Variants in STIM1 observed in about 807,000 individuals in gnomAD.
STIM1 encodes the protein stromal interaction molecule 1.
STIM1 carries 25 observed loss-of-function variants against 74.7 expected under a neutral mutation model. That is an observed-to-expected ratio of 0.33 (90% CI 0.24 to 0.47). The LOEUF is 0.47. Ranked by LOEUF, STIM1 falls within the 20% of genes least tolerant of loss-of-function variation. STIM1 has a pLI of 1.00. For synonymous variants in STIM1, 328 were observed against 348.8 expected (o/e 0.94, Z 0.66); for missense variants, 728 against 920.8 (o/e 0.79, Z 2.71).
At chr11:3,871,043 T>G (rs2091073197) in intron 1 of STIM1, among the ~76,000 whole-genome samples, 1 of 151,950 alleles carries the variant, frequency 6.6e-6, no homozygotes, top group Admixed American at 6.6e-5. Context: ...CAACTAATTT[T>G]TGTATTTTTA....
chr11:3,946,171 A>G (rs775358360), intron 1 of STIM1, among the ~76,000 whole-genome samples: 2 of 152,200 alleles, frequency 1.3e-5, no homozygotes, highest in Non-Finnish European at 1.5e-5. Context: ...GAATAATAGT[A>G]TACATTTGAA....
At chr11:4,085,292 A>C (rs557837732) in intron 11 of STIM1, among the ~76,000 whole-genome samples, 229 of 152,268 alleles carry the variant, frequency 1.5e-3, no homozygotes, top group Non-Finnish European at 2.6e-3. Context: ...TCACCCTTGT[A>C]ACCTGGCCCT....
At chr11:4,017,616 T>TA (rs2093910621) in intron 2 of STIM1, among the ~76,000 whole-genome samples, 1 of 152,208 alleles carries the variant, frequency 6.6e-6, no homozygotes, top group African/African-American at 2.4e-5. Flanking sequence ...TTTTGGTGTT[T>TA]CTGCTCCCAA....
intron 3 of STIM1, among the ~76,000 whole-genome samples, chr11:4,038,667 A>G (rs1360374413): frequency 6.6e-6 from 1 of 152,118 alleles, no homozygotes; most frequent in African/African-American, 2.4e-5. Context: ...AGGGAGGGTA[A>G]ATTCCATCTC....
At chr11:3,948,005 C>A (rs2093100641) in intron 1 of STIM1, among the ~76,000 whole-genome samples, 1 of 152,088 alleles carries the variant, frequency 6.6e-6, no homozygotes, top group African/African-American at 2.4e-5. Context: ...GTGGAGAAAG[C>A]AAAAAGACAC....
At chr11:4,083,590 G>A in intron 10 of STIM1, 92 bp downstream of exon 10, 1 of 1,201,622 alleles carries the variant, frequency 8.3e-7, no homozygotes, top group South Asian at 1.3e-5. Flanking sequence ...CAGCAGATGG[G>A]GCAGATACCC....
At chr11:4,065,390 C>T (rs2094358633) in intron 5 of STIM1, among the ~76,000 whole-genome samples, 1 of 152,098 alleles carries the variant, frequency 6.6e-6, no homozygotes, top group Non-Finnish European at 1.5e-5. Context: ...CAAGCTTTCT[C>T]CAGGATGTTT....
chr11:3,992,047 G>A (rs2093618641), intron 2 of STIM1, among the ~76,000 whole-genome samples: 1 of 129,426 alleles, frequency 7.7e-6, no homozygotes, highest in African/African-American at 2.8e-5. Context: ...CTGTGTATAA[G>A]TGTTTTCTTT....
intron 3 of STIM1, among the ~76,000 whole-genome samples, chr11:4,028,409 C>T (rs1467649778): frequency 6.7e-6 from 1 of 148,746 alleles, no homozygotes; most frequent in Non-Finnish European, 1.5e-5. Context: ...CTTTCTTTTT[C>T]TTTTCTTTTT....
At chr11:4,051,541 C>T (rs1414211667) in intron 3 of STIM1, among the ~76,000 whole-genome samples, 1 of 151,864 alleles carries the variant, frequency 6.6e-6, no homozygotes, top group Non-Finnish European at 1.5e-5. Flanking sequence ...CGAGGTTTCA[C>T]CATGTTGGCC....
intron 1 of STIM1, among the ~76,000 whole-genome samples, chr11:3,939,402 A>T (rs771143223): frequency 1.3e-5 from 2 of 152,212 alleles, no homozygotes; most frequent in Non-Finnish European, 2.9e-5. Context: ...ACTATGACAT[A>T]GTTGAGGTTA....
chr11:4,004,236 A>G (rs1321535340), intron 2 of STIM1, among the ~76,000 whole-genome samples: 4 of 152,128 alleles, frequency 2.6e-5, no homozygotes, highest in Non-Finnish European at 5.9e-5. Flanking sequence ...ATTGGAAAAA[A>G]CTAAAGTTCA....
chr11:3,955,396 C>A (rs746500401), intron 1 of STIM1, among the ~76,000 whole-genome samples: 44 of 152,030 alleles, frequency 2.9e-4, no homozygotes, highest in Non-Finnish European at 6.2e-4. Flanking sequence ...AATATTCATG[C>A]CTCATTTTTA....
At chr11:3,910,785 G>A (rs1441829790) in intron 1 of STIM1, among the ~76,000 whole-genome samples, 2 of 150,208 alleles carry the variant, frequency 1.3e-5, no homozygotes, top group African/African-American at 4.9e-5. Flanking sequence ...TTCGAGACCA[G>A]CCTGACCAAC....
intron 2 of STIM1, among the ~76,000 whole-genome samples, chr11:3,990,624 C>G (rs1565138883): frequency 6.6e-6 from 1 of 152,108 alleles, no homozygotes; most frequent in Non-Finnish European, 1.5e-5. Context: ...TATTGTCTGA[C>G]TTTTTGATTA....
At chr11:3,982,900 T>C (rs1474499053) in intron 2 of STIM1, among the ~76,000 whole-genome samples, 3 of 152,174 alleles carry the variant, frequency 2.0e-5, no homozygotes. Flanking sequence ...AGAAAAGCAC[T>C]TTGAAAGTCA....
intron 1 of STIM1, among the ~76,000 whole-genome samples, chr11:3,863,948 T>C (rs1590503699): frequency 1.3e-5 from 2 of 152,004 alleles, no homozygotes; most frequent in Non-Finnish European, 1.5e-5. Context: ...GGAAAAAACA[T>C]AGTGGGTATA....
intron 1 of STIM1, among the ~76,000 whole-genome samples, chr11:3,965,831 C>T (rs1453182207): frequency 6.6e-6 from 1 of 151,728 alleles, no homozygotes; most frequent in Non-Finnish European, 1.5e-5. Flanking sequence ...CATGCTGAAA[C>T]CCCGTCTCTA....
intron 7 of STIM1, among the ~76,000 whole-genome samples, chr11:4,081,146 C>T (rs2094463387): frequency 6.6e-6 from 1 of 152,162 alleles, no homozygotes; most frequent in South Asian, 2.1e-4. Context: ...GGGATGTTTA[C>T]CTCATTGGCT....
Sources: gnomAD v4.1 joint callset for allele counts (sites outside exome capture counted in the v4.1 genomes callset) on GRCh38, gnomAD v4.1.1 for gene constraint, MANE v1.5 for transcripts, NCBI Gene and HGNC (gene_info 2026-07-23, HGNC 2026-07-21) for gene names.